The following PALLD variants were observed in gnomAD, a reference collection of about 807,000 sequenced individuals.
PALLD encodes the protein palladin.
Under a neutral mutation model 123.5 loss-of-function variants are expected in PALLD, and 61 were observed. The observed-to-expected ratio is 0.49, with a 90% CI of 0.40 to 0.61. The LOEUF is 0.61. Ranked by LOEUF, PALLD falls within the 20% of genes least tolerant of loss-of-function variation. The pLI is 0.00. For missense variants in PALLD, 1,273 were observed against 1,377.0 expected, an observed-to-expected ratio of 0.92 and a Z score of 1.20; for synonymous variants, 465 against 496.4, an observed-to-expected ratio of 0.94 and a Z score of 0.84.
chr4:168,682,994 C>G lies in PALLD; in HGVS notation c.1155-4C>G. On this transcript the variant is annotated splice_polypyrimidine_tract_variant and splice_region_variant and intron_variant, in intron 4 of 21. Coordinates refer to ENST00000505667, the MANE Select transcript of PALLD (RefSeq NM_001166108.2). ...GACTAAACACTCACCTTCCTATTTTCCAGAGCTCAAAAGAAAACAACTTCT... is the reference window on the plus strand; with the variant it reads ...GACTAAACACTCACCTTCCTATTTTGCAGAGCTCAAAAGAAAACAACTTCT... 1 of 1,575,728 alleles carries G rather than the reference C, an allele frequency of 6.3e-7. No homozygotes were observed.
chr4:168,690,709 T>G lies in PALLD; in HGVS notation c.1442T>G (p.Ile481Ser). Residue 481 changes from isoleucine to serine, a missense_variant, in exon 7 of 22, where the codon ATC (isoleucine) becomes AGC (serine). Around this residue, in one of 2 missense-constraint regions of PALLD, gnomAD observed 944 missense variants for 954.5 expected, o/e 0.99. Transcript: ENST00000505667. ...CAGTGGTTTCGGCAAGGGAGTGAAA[T>G]CCAAGACTCTCCAGATTTCCGAATT... Reference protein sequence around the residue: ...QVQWFRQGSEIQDSPDFRILQ... With the variant: ...QVQWFRQGSESQDSPDFRILQ... 1 of 1,614,062 alleles carries G rather than the reference T, an allele frequency of 6.2e-7. No individual in the cohort carries two copies.
rs929563728 is a variant in PALLD, at chr4:168,497,155, C to G, written c.-122C>G. 2 of 152,082 alleles carry G rather than the reference C, an allele frequency of 1.3e-5. No homozygotes were observed. The highest frequency in any genetic ancestry group is 4.8e-5 in the African/African-American group (2 of 41,400). 9.4% of individuals were successfully genotyped at this position (152,082 alleles called of 1,614,324 possible). On this transcript the variant is annotated 5_prime_UTR_variant, in exon 1 of 22. The change creates a new upstream start codon in the 5' untranslated region. Transcript: ENST00000505667. ...GAAGAAATGCTCATCTGAAATTCAT[C>G]ACCTCTCTGGAGTCTTCAAACTGAC...
chr4:168,823,762 G>C (rs536611288), intron 10 of PALLD, among the ~76,000 whole-genome samples: 1 of 152,190 alleles, frequency 6.6e-6, no homozygotes. Flanking sequence ...CTCTGCCAGG[G>C]CTGCTTATGT....
chr4:168,581,986 T>C lies in PALLD; in HGVS notation c.908+69574T>C, dbSNP rs535062005. On this transcript the variant is annotated intron_variant, in intron 2 of 21. Transcript: ENST00000505667. ...TTCTTCTGCATATAAATATCCAGTTTTTCTAGTGCCATTTATTGAAGAAAC... is the reference window on the plus strand; with the variant it reads ...TTCTTCTGCATATAAATATCCAGTTCTTCTAGTGCCATTTATTGAAGAAAC... Among the ~76,000 whole-genome samples, 4 of 152,172 alleles carry C rather than the reference T, an allele frequency of 2.6e-5. No individual in the cohort carries two copies. The East Asian group carries it at 5.8e-4, about 22-fold the overall frequency.
chr4:168,742,516 G>T (rs1788453701), intron 10 of PALLD, among the ~76,000 whole-genome samples: 1 of 152,146 alleles, frequency 6.6e-6, no homozygotes, highest in Non-Finnish European at 1.5e-5. Flanking sequence ...ACTTCATTTG[G>T]CTAGAAGGTC....
chr4:168,846,566 C>G (rs1263059476), intron 10 of PALLD, among the ~76,000 whole-genome samples: 1 of 152,174 alleles, frequency 6.6e-6, no homozygotes, highest in African/African-American at 2.4e-5. Flanking sequence ...TTTGCAGTTT[C>G]CTCTTTACAG....
chr4:168,594,348 C>T (rs1046736503), intron 2 of PALLD, among the ~76,000 whole-genome samples: 1 of 152,048 alleles, frequency 6.6e-6, no homozygotes, highest in Non-Finnish European at 1.5e-5. Context: ...TTACCTTAGT[C>T]GCAAGGTGAT....
intron 2 of PALLD, among the ~76,000 whole-genome samples, chr4:168,594,012 G>A (rs866144178): frequency 1.8e-4 from 27 of 152,288 alleles, no homozygotes; most frequent in Middle Eastern, 3.4e-3. Flanking sequence ...AGCCTTGGAT[G>A]TTAATGGCCT....
At chr4:168,743,807 A>C (rs887794867) in intron 10 of PALLD, among the ~76,000 whole-genome samples, 3 of 152,118 alleles carry the variant, frequency 2.0e-5, no homozygotes, top group Admixed American at 1.3e-4. Flanking sequence ...TCAGTTTTGC[A>C]ATCTTTTAAA....
chr4:168,835,857 C>A (rs914213598), intron 10 of PALLD, among the ~76,000 whole-genome samples: 2 of 152,058 alleles, frequency 1.3e-5, no homozygotes, highest in African/African-American at 4.8e-5. Flanking sequence ...AGCCACTGTG[C>A]CTGGCTCAAA....
intron 2 of PALLD, among the ~76,000 whole-genome samples, chr4:168,550,910 C>G (rs910613573): frequency 7.2e-5 from 11 of 152,148 alleles, no homozygotes; most frequent in South Asian, 2.1e-4. Flanking sequence ...TCTCTTGTTA[C>G]TAGTGCTAAT....
At chr4:168,652,365 G>A (rs908734079) in intron 2 of PALLD, among the ~76,000 whole-genome samples, 17 of 152,112 alleles carry the variant, frequency 1.1e-4, no homozygotes, top group South Asian at 4.1e-4. Flanking sequence ...GTTAAATAGC[G>A]TTTTAAAAAT....
chr4:168,522,912 C>T (rs977413803), intron 2 of PALLD, among the ~76,000 whole-genome samples: 1 of 152,050 alleles, frequency 6.6e-6, no homozygotes, highest in Admixed American at 6.5e-5. Context: ...AAAAATAATA[C>T]TAATTGCAAG....
intron 2 of PALLD, among the ~76,000 whole-genome samples, chr4:168,587,782 T>C (rs918262052): frequency 5.9e-5 from 9 of 152,114 alleles, no homozygotes; most frequent in African/African-American, 2.2e-4. Flanking sequence ...AAGAGAACTC[T>C]CCTGCCATCC....
At chr4:168,739,343 A>G (rs541342949) in intron 10 of PALLD, among the ~76,000 whole-genome samples, 5 of 152,300 alleles carry the variant, frequency 3.3e-5, no homozygotes, top group African/African-American at 1.2e-4. Context: ...AAATCTCCAT[A>G]CTGTTTTCCA....
In PALLD at chr4:168,511,380, G is replaced by GA. The variant is rs545163077; in HGVS notation, c.-82-37dup. ...TTACAAGTTTTATGATTAAAATGGGGAAAAAATCATTGCTACTAATGACAT... is the reference window on the plus strand; with the variant it reads ...TTACAAGTTTTATGATTAAAATGGGGAAAAAAATCATTGCTACTAATGACAT... On this transcript the variant is annotated intron_variant, in intron 1 of 21. Coordinates refer to ENST00000505667, the MANE Select transcript of PALLD (RefSeq NM_001166108.2). The GA allele has an allele frequency of 3.9e-4, 280 of 709,090 alleles. 4 individuals are homozygous for GA. The South Asian group carries it at 4.0e-3, about 10-fold the overall frequency. 43.9% of individuals were successfully genotyped at this position (709,090 alleles called of 1,614,324 possible). A position where few individuals can be genotyped will look rare whatever the true frequency, so the allele number is the denominator to read the frequency against.
At chr4:168,905,118 CTT>C (rs1427838633) in intron 15 of PALLD, among the ~76,000 whole-genome samples, 4 of 126,694 alleles carry the variant, frequency 3.2e-5, no homozygotes, top group Non-Finnish European at 6.7e-5. Flanking sequence ...CAGAGTGAGA[CTT>C]TGTTTTTTGT....
At chr4:168,815,505 T>C (rs1741773142) in intron 10 of PALLD, among the ~76,000 whole-genome samples, 1 of 152,232 alleles carries the variant, frequency 6.6e-6, no homozygotes, top group African/African-American at 2.4e-5. Context: ...CTCCATAAAA[T>C]AGGGAAATAC....
rs561652904 is a variant in PALLD, at chr4:168,833,403, T to C, written c.1965-57519T>C. 5.3e-5 allele frequency among the ~76,000 whole-genome samples: 8 copies of C among 152,196 alleles called. No homozygotes were observed. In the East Asian group the frequency reaches 1.4e-3, roughly 26 times the overall value. ...CAGGACGGGTGTGCATTCATCAACC[T>C]GGGAGTCTCTAGGAGCCAGAGATGA... On this transcript the variant is annotated intron_variant, in intron 10 of 21. Coordinates refer to ENST00000505667, the MANE Select transcript of PALLD (RefSeq NM_001166108.2).
Sources: allele counts gnomAD v4.1 joint callset (sites outside exome capture counted in the v4.1 genomes callset), GRCh38; gene constraint gnomAD v4.1.1; regional missense constraint gnomAD v4.1.1; transcripts MANE v1.5; gene names NCBI Gene and HGNC (gene_info 2026-07-23, HGNC 2026-07-21).